The following FRMPD4 variants were observed in gnomAD, a reference collection of about 807,000 sequenced individuals.
FRMPD4 encodes FERM and PDZ domain-containing protein 4.
Under a neutral mutation model 94.1 loss-of-function variants are expected in FRMPD4, and 22 were observed. The observed-to-expected ratio is 0.23, with a 90% CI of 0.17 to 0.33. The LOEUF (loss-of-function observed/expected upper bound fraction) is 0.33. Ranked by LOEUF, FRMPD4 falls within the 10% of genes least tolerant of loss-of-function variation. FRMPD4 has a pLI of 1.00. For synonymous variants in FRMPD4, 631 were observed against 548.6 expected (o/e 1.15, Z -2.10); for missense variants, 1,111 against 1,339.9 (o/e 0.83, Z 2.67).
rs146134102 is a variant in FRMPD4, at chrX:12,106,005, T to C, written c.95+227987T>C. Among the ~76,000 whole-genome samples the C allele has an allele frequency of 4.2e-3, 472 of 112,271 alleles. 1 individual carries two copies. The highest frequency in any genetic ancestry group is 0.015 in the African/African-American group (452 of 30,898). On this transcript the variant is annotated intron_variant, in intron 3 of 18. Coordinates refer to the FRMPD4 transcript ENST00000640291. ...ACACCCTGAAGGTCACTTCAGCTTC[T>C]TGGGCTCCACTACCTTCAATGAAAC...
chrX:12,148,164 G>A (rs1485641301), intron 1 of FRMPD4, among the ~76,000 whole-genome samples: 1 of 112,260 alleles, frequency 8.9e-6, no homozygotes, highest in Non-Finnish European at 1.9e-5. Context: ...GTTTGGTACG[G>A]AAGGCATGTT....
At chrX:12,490,488 C>G (rs1192840873) in intron 1 of FRMPD4, among the ~76,000 whole-genome samples, 2 of 112,066 alleles carry the variant, frequency 1.8e-5, no homozygotes, top group Non-Finnish European at 3.8e-5. Flanking sequence ...ATTCCAAGCA[C>G]CTAGAACAGC....
At chrX:12,595,940 T>C (rs1029985852) in intron 2 of FRMPD4, among the ~76,000 whole-genome samples, 1 of 112,579 alleles carries the variant, frequency 8.9e-6, no homozygotes, top group Non-Finnish European at 1.9e-5. Context: ...GTGGTCTTGA[T>C]TTATGCCAAT....
At chrX:12,440,282 C>T (rs988748758) in intron 1 of FRMPD4, among the ~76,000 whole-genome samples, 13 of 112,017 alleles carry the variant, frequency 1.2e-4, no homozygotes, top group African/African-American at 4.2e-4. Flanking sequence ...ATTTGCAACC[C>T]TCCAGATAAA....
intron 2 of FRMPD4, among the ~76,000 whole-genome samples, chrX:12,570,534 G>A (rs2058751908): frequency 1.1e-5 from 1 of 92,820 alleles, no homozygotes; most frequent in Admixed American, 1.1e-4. Context: ...TCAAACTCCT[G>A]ACCTTGTGAT....
chrX:12,451,733 C>CGTGTGTGTGTGTGTGTGT (rs72300557), intron 1 of FRMPD4, among the ~76,000 whole-genome samples: 2 of 98,813 alleles, frequency 2.0e-5, no homozygotes, highest in Admixed American at 2.2e-4. Flanking sequence ...TGTGTATGCC[C>CGTGTGTGTGTGTGTGTGT]GTGTGTGTGT....
At chrX:12,364,411 G>T (rs374233001) in intron 1 of FRMPD4, among the ~76,000 whole-genome samples, 1 of 111,298 alleles carries the variant, frequency 9.0e-6, no homozygotes, top group African/African-American at 3.3e-5. Flanking sequence ...AGGCTTGGGA[G>T]TGGCCAGTTT....
intron 3 of FRMPD4, among the ~76,000 whole-genome samples, chrX:11,903,508 T>C (rs1204331282): frequency 1.8e-5 from 2 of 112,285 alleles, no homozygotes; most frequent in Non-Finnish European, 3.8e-5. Flanking sequence ...CTTCTCCAAT[T>C]TCATTTTCCT....
intron 3 of FRMPD4, among the ~76,000 whole-genome samples, chrX:12,116,671 A>G (rs1214890716): frequency 9.0e-6 from 1 of 111,522 alleles, no homozygotes; most frequent in Non-Finnish European, 1.9e-5. Context: ...TTCTCATGGG[A>G]CTCAAGTTAG....
chrX:12,579,567 G>A (rs1039740355), intron 2 of FRMPD4, among the ~76,000 whole-genome samples: 4 of 112,151 alleles, frequency 3.6e-5, no homozygotes, highest in African/African-American at 1.3e-4. Flanking sequence ...GGCATGCTCT[G>A]TTCAGCTTGC....
rs760860615 is a variant in FRMPD4 at position 11,930,988 on chromosome X, TGAG to T, written c.95+52971_95+52973del. On this transcript the variant is annotated intron_variant, in intron 3 of 18. Transcript: ENST00000640291. ...GGTTCCATAGTCACTTCCCAACCTG[TGAG>T]TTACCCCAGCAGCCTGTCAGGGGAA... is the stretch of plus-strand genomic sequence containing the variant. Among the ~76,000 whole-genome samples, 296 of 111,488 alleles carry T rather than the reference TGAG, an allele frequency of 2.7e-3. 1 individual carries two copies. Among genetic ancestry groups the T allele is most frequent in the African/African-American group, 9.2e-3 (282 of 30,673 alleles).
intron 3 of FRMPD4, among the ~76,000 whole-genome samples, chrX:11,931,298 T>C (rs1372885595): frequency 8.9e-6 from 1 of 111,938 alleles, no homozygotes; most frequent in East Asian, 2.8e-4. Context: ...ACAACCACCT[T>C]TTTCTTCTCT....
chrX:12,182,621 C>T (rs1400652858), intron 1 of FRMPD4, among the ~76,000 whole-genome samples: 1 of 109,767 alleles, frequency 9.1e-6, no homozygotes, highest in Non-Finnish European at 1.9e-5. Flanking sequence ...GTTGGCCCTG[C>T]TTTGGAACCA....
At chrX:12,328,158 G>T (rs893150233) in intron 1 of FRMPD4, among the ~76,000 whole-genome samples, 3 of 112,118 alleles carry the variant, frequency 2.7e-5, no homozygotes, top group African/African-American at 9.7e-5. Context: ...TCTGACTTGG[G>T]ATGAGCCAGT....
intron 4 of FRMPD4, among the ~76,000 whole-genome samples, chrX:12,632,952 C>A (rs2059409252): frequency 8.9e-6 from 1 of 111,875 alleles, no homozygotes; most frequent in East Asian, 2.8e-4. Context: ...ACACTTGAAC[C>A]GAATTTTTTC....
chrX:12,619,658 A>G (rs953547497), intron 4 of FRMPD4, among the ~76,000 whole-genome samples: 4 of 111,876 alleles, frequency 3.6e-5, no homozygotes, highest in Non-Finnish European at 5.7e-5. Context: ...TTATCCATCA[A>G]GGGACCCGGG....
At chrX:11,975,671 A>G (rs2054363521) in intron 3 of FRMPD4, among the ~76,000 whole-genome samples, 1 of 111,702 alleles carries the variant, frequency 9.0e-6, no homozygotes, top group Non-Finnish European at 1.9e-5. Context: ...GGACAGGTGT[A>G]ATTCTTCGTT....
At chrX:12,660,879 A>G (rs187073037) in intron 4 of FRMPD4, among the ~76,000 whole-genome samples, 22 of 111,601 alleles carry the variant, frequency 2.0e-4, no homozygotes, top group African/African-American at 6.5e-4. Flanking sequence ...CTTTTGTCAT[A>G]TGTTGTTGCC....
chrX:11,914,313 C>T (rs1359249501), intron 3 of FRMPD4, among the ~76,000 whole-genome samples: 5 of 81,186 alleles, frequency 6.2e-5, no homozygotes, highest in African/African-American at 9.5e-5. Flanking sequence ...TTTTTGAAAA[C>T]GTCTAAGTGC....
Sources: gnomAD v4.1 joint callset for allele counts (sites outside exome capture counted in the v4.1 genomes callset) on GRCh38, gnomAD v4.1.1 for gene constraint, MANE v1.5 for transcripts, NCBI Gene and HGNC (gene_info 2026-07-23, HGNC 2026-07-21) for gene names.